SH2D7: variants seen among roughly 807,000 people sequenced by gnomAD.
SH2D7 encodes the protein SH2 domain containing 7.
Under a neutral mutation model 40.8 loss-of-function variants are expected in SH2D7, and 32 were observed. The ratio of observed to expected loss-of-function variants is 0.78; its 90% confidence interval spans 0.59 to 1.05. SH2D7 has a LOEUF of 1.05. Ranked by LOEUF, SH2D7 falls within the 50% of genes least tolerant of loss-of-function variation. SH2D7 has a pLI of 0.00. For synonymous variants in SH2D7, 195 were observed against 221.5 expected (o/e 0.88, Z 1.06); for missense variants, 559 against 566.6 (o/e 0.99, Z 0.14).
In SH2D7 at chr15:78,098,015, C is replaced by T. The variant is rs762363688; in HGVS notation, c.353C>T (p.Thr118Ile). ...TCAGGAGACACCCAGAGCCACAGCA[C>T]CCTGGCTGAGCTTGTGCACCATTAC... ...IISGDTQSHS[T>I]LAELVHHYQE... Residue 118 changes from threonine to isoleucine, a missense_variant, in exon 3 of 6, where the codon ACC becomes ATC. Transcript: ENST00000328828. 2 of 1,614,016 alleles carry T rather than the reference C, an allele frequency of 1.2e-6. No individual in the cohort carries two copies. The highest frequency in any genetic ancestry group is 1.3e-5 in the African/African-American group (1 of 75,058).
upstream of SH2D7, among the ~76,000 whole-genome samples, chr15:78,091,505 T>G (rs954528315): frequency 2.0e-5 from 3 of 152,138 alleles, no homozygotes; most frequent in African/African-American, 4.8e-5. Context: ...CTCACATCAG[T>G]GTGTGGTGGA....
Position 78,101,188 on chromosome 15 carries a change from C to T in SH2D7, c.935C>T (p.Pro312Leu). 1 of 1,589,094 alleles carries T rather than the reference C, an allele frequency of 6.3e-7. No homozygotes were observed. Among genetic ancestry groups the T allele is most frequent in the South Asian group, 1.1e-5 (1 of 87,498 alleles). Residue 312 changes from proline to leucine, a missense_variant, in exon 5 of 6, where the codon CCC becomes CTC. By Grantham distance (98) the Pro-to-Leu change is moderately conservative (BLOSUM62 -3). Coordinates refer to ENST00000328828, the MANE Select transcript of SH2D7 (RefSeq NM_001101404.2). Reference protein sequence around the residue: ...VSPDQGPTESPTSWGCSDAMG... With the variant: ...VSPDQGPTESLTSWGCSDAMG... ...CCAGACCAGGGTCCCACAGAGTCTCCCACTTCCTGGGGATGTTCTGATGCC... is the reference window on the plus strand; with the variant it reads ...CCAGACCAGGGTCCCACAGAGTCTCTCACTTCCTGGGGATGTTCTGATGCC...
At chr15:78,102,108 C>T (rs1399047237) in intron 5 of SH2D7, among the ~76,000 whole-genome samples, 15 of 151,970 alleles carry the variant, frequency 9.9e-5, no homozygotes, top group Non-Finnish European at 2.1e-4. Flanking sequence ...CAAAAAATTG[C>T]CAGGCGTGGT....
At position 78,101,299 on chromosome 15, in the gene SH2D7, A is replaced by G; in HGVS notation, c.1046A>G (p.Asp349Gly). ...AQPCSQGSSA[D>G]IYEFIGTEGL... ...CCCTGCTCCCAGGGCAGCTCTGCAGATATCTATGAGTTCATCGGGACAGAA... is the reference window on the plus strand; with the variant it reads ...CCCTGCTCCCAGGGCAGCTCTGCAGGTATCTATGAGTTCATCGGGACAGAA... Residue 349 changes from aspartate (D) to glycine (G), a missense_variant, in exon 5 of 6, where the codon GAT becomes GGT. Asp to Gly is a moderately conservative substitution (Grantham distance 94). Coordinates refer to ENST00000328828, the MANE Select transcript of SH2D7 (RefSeq NM_001101404.2). 6.2e-7 allele frequency: 1 copy of G among 1,612,970 alleles called. No homozygotes were observed. The highest frequency in any genetic ancestry group is 8.5e-7 in the Non-Finnish European group (1 of 1,179,552).
In SH2D7 at chr15:78,103,800, C is replaced by G. The variant is rs1433112488; in HGVS notation, c.*285C>G. 2.3e-6 allele frequency: 1 copy of G among 431,816 alleles called. No homozygotes were observed. Among genetic ancestry groups the G allele is most frequent in the Non-Finnish European group, 4.2e-6 (1 of 237,442 alleles). The allele number at this position is 431,816 out of a possible 1,614,324, so 26.7% of individuals were successfully genotyped here. On this transcript the variant is annotated 3_prime_UTR_variant, in exon 6 of 6. Coordinates refer to ENST00000328828, the MANE Select transcript of SH2D7 (RefSeq NM_001101404.2). Reference sequence around the variant, plus strand: ...TGAGATTGGCCAAAGGCAGGGGTCACCACCCCCATTTCCCAGATAAGCATG... The same window carrying G: ...TGAGATTGGCCAAAGGCAGGGGTCAGCACCCCCATTTCCCAGATAAGCATG...
chr15:78,094,000 AG>A (rs1412008202), intron 1 of SH2D7, 111 bp from the exon 2 acceptor site: 1 of 997,110 alleles, frequency 1.0e-6, no homozygotes, highest in Non-Finnish European at 1.5e-6. Context: ...AAAGGGTTGG[AG>A]GTCTGGAACC....
intron 4 of SH2D7, 22 bp downstream of exon 4, chr15:78,098,618 C>G (rs2073991547): frequency 6.2e-7 from 1 of 1,607,122 alleles, no homozygotes; most frequent in Admixed American, 1.7e-5. Flanking sequence ...TATGGGCCAC[C>G]TAGAGTCAGG....
At chr15:78,095,749 C>A (rs909684817) in intron 2 of SH2D7, among the ~76,000 whole-genome samples, 1 of 151,962 alleles carries the variant, frequency 6.6e-6, no homozygotes, top group Non-Finnish European at 1.5e-5. Flanking sequence ...AATGAGAGGC[C>A]AAGTTTTTTT....
In SH2D7 at chr15:78,100,639, A is replaced by T. The variant is rs146219281; in HGVS notation, c.646-260A>T. 5.2e-3 allele frequency among the ~76,000 whole-genome samples: 794 copies of T among 152,256 alleles called. 12 individuals carry two copies. The highest frequency in any genetic ancestry group is 0.019 in the African/African-American group (771 of 41,546). ...TTGAACCCAAGAGGCTGAGGTTGTA[A>T]TGAGCTGAGATTGCGCCACTGCACT... On this transcript the variant is annotated intron_variant, in intron 4 of 5. Transcript: ENST00000328828.
intron 5 of SH2D7, among the ~76,000 whole-genome samples, chr15:78,102,974 A>G (rs2074027353): frequency 6.6e-6 from 1 of 152,066 alleles, no homozygotes; most frequent in South Asian, 2.1e-4. Context: ...CACACACCCC[A>G]TGGATAGCAG....
chr15:78,092,440 C>A, upstream of SH2D7: 1 of 870,172 alleles, frequency 1.1e-6, no homozygotes, highest in Non-Finnish European at 1.7e-6. Flanking sequence ...AGAGAACCAG[C>A]CACCAGCCCA....
chr15:78,100,774 T>A, intron 4 of SH2D7, 125 bp from the exon 5 acceptor site: 1 of 1,011,890 alleles, frequency 9.9e-7, no homozygotes, highest in Non-Finnish European at 1.4e-6. Flanking sequence ...ATCCAACCCT[T>A]GCATGTACGG....
chr15:78,097,069 T>C (rs1339770352), intron 2 of SH2D7, among the ~76,000 whole-genome samples: 1 of 152,308 alleles, frequency 6.6e-6, no homozygotes, highest in East Asian at 1.9e-4. Context: ...AAGAAACTAA[T>C]TCTACTTGGA....
At chr15:78,097,892 G>T in intron 2 of SH2D7, 37 bp from the exon 3 acceptor site, 1 of 1,603,940 alleles carries the variant, frequency 6.2e-7, no homozygotes, top group South Asian at 1.1e-5. Context: ...GGCTGCCTGT[G>T]ACCAGCAGCC....
intron 5 of SH2D7, 57 bp downstream of exon 5, chr15:78,101,615 G>A: frequency 6.7e-7 from 1 of 1,496,562 alleles, no homozygotes; most frequent in Non-Finnish European, 8.9e-7. Context: ...CCTGGTGGTA[G>A]GAGACAACCT....
chr15:78,092,659 G>C lies in SH2D7; in HGVS notation c.75G>C (p.Glu25Asp). Residue 25 changes from glutamate to aspartate, a missense_variant, in exon 1 of 6, where the codon GAG (glutamate) becomes GAC (aspartate). Glu to Asp is a conservative substitution (Grantham distance 45, BLOSUM62 2). Transcript: ENST00000328828. ...CAGGGGACAGCCAGGCCCTGGCTGA[G>C]CTCCAGGAGCTTGCCCTGAAGTGGT... ...EGAGDSQALA[E>D]LQELALKWFM... is the part of the protein sequence containing the mutation. 1 of 1,575,194 alleles carries C rather than the reference G, an allele frequency of 6.3e-7. No homozygotes were observed. The highest frequency in any genetic ancestry group is 1.2e-5 in the South Asian group (1 of 85,608).
In SH2D7 at chr15:78,101,121, A is replaced by G; in HGVS notation, c.868A>G (p.Asn290Asp). Residue 290 changes from asparagine (N) to aspartate (D), a missense_variant, in exon 5 of 6, where the codon AAC (asparagine) becomes GAC (aspartate). Asn to Asp is a conservative substitution (Grantham distance 23). Coordinates refer to ENST00000328828, the MANE Select transcript of SH2D7 (RefSeq NM_001101404.2). Reference sequence around the variant, plus strand: ...AAGGAGACTCTCAGATGGAGAACAGAACAGGCCTGATGGCCTGGGGCCTGT... The same window carrying G: ...AAGGAGACTCTCAGATGGAGAACAGGACAGGCCTGATGGCCTGGGGCCTGT... ...AQRRLSDGEQ[N>D]RPDGLGPVLS... 1.3e-6 allele frequency: 2 copies of G among 1,565,228 alleles called. No individual in the cohort carries two copies. The highest frequency in any genetic ancestry group is 1.7e-6 in the Non-Finnish European group (2 of 1,159,796).
upstream of SH2D7, among the ~76,000 whole-genome samples, chr15:78,092,169 T>G (rs1442010399): frequency 6.6e-6 from 1 of 152,204 alleles, no homozygotes; most frequent in South Asian, 2.1e-4. Context: ...AAAATAAAAA[T>G]AGCCTCCACG....
upstream of SH2D7, among the ~76,000 whole-genome samples, chr15:78,091,629 T>C (rs1372710687): frequency 1.3e-5 from 2 of 152,166 alleles, no homozygotes; most frequent in Admixed American, 1.3e-4. Flanking sequence ...CTCAGGGATG[T>C]TTGTGTGAAC....
Sources: allele counts gnomAD v4.1 joint callset (sites outside exome capture counted in the v4.1 genomes callset), GRCh38; gene constraint gnomAD v4.1.1; transcripts MANE v1.5; gene names NCBI Gene and HGNC (gene_info 2026-07-23, HGNC 2026-07-21).